Variants in GLG1 observed in about 807,000 individuals in gnomAD.
GLG1 encodes golgi glycoprotein 1.
In GLG1, 38 loss-of-function variants were observed where a neutral mutation model predicts 160.5. The ratio of observed to expected loss-of-function variants is 0.24; its 90% confidence interval spans 0.18 to 0.31. The LOEUF (loss-of-function observed/expected upper bound fraction) is 0.31. Ranked by LOEUF, GLG1 falls within the 10% of genes least tolerant of loss-of-function variation. The pLI, the probability that GLG1 is intolerant of heterozygous loss-of-function variation, is 1.00. For missense variants in GLG1, 1,373 were observed against 1,505.2 expected (o/e 0.91, Z 1.45); for synonymous variants, 644 against 543.4 (o/e 1.19, Z -2.57).
intron 1 of GLG1, among the ~76,000 whole-genome samples, chr16:74,570,977 C>A (rs1410382623): frequency 6.6e-6 from 1 of 151,754 alleles, no homozygotes; most frequent in Non-Finnish European, 1.5e-5. Context: ...TTTAACCACA[C>A]CTCACTTGGC....
intron 11 of GLG1, among the ~76,000 whole-genome samples, chr16:74,479,049 T>C (rs1210422215): frequency 3.8e-3 from 9 of 2,374 alleles, no homozygotes; most frequent in East Asian, 0.021. Flanking sequence ...CTATTAAAAA[T>C]CCAAAAAAAA....
At chr16:74,539,018 T>C (rs1479026563) in intron 1 of GLG1, among the ~76,000 whole-genome samples, 1 of 151,720 alleles carries the variant, frequency 6.6e-6, no homozygotes, top group Non-Finnish European at 1.5e-5. Context: ...CTGTGAAAGG[T>C]GGAGCACTAG....
chr16:74,569,875 G>GAAAAAAAAAAAA (rs1248515307), intron 1 of GLG1, among the ~76,000 whole-genome samples: 1 of 108,040 alleles, frequency 9.3e-6, no homozygotes, highest in African/African-American at 3.4e-5. Context: ...AAAAAAAAAA[G>GAAAAAAAAAAAA]AAAAAAAAAA....
At chr16:74,554,643 T>C (rs553284585) in intron 1 of GLG1, among the ~76,000 whole-genome samples, 2 of 152,300 alleles carry the variant, frequency 1.3e-5, no homozygotes, top group Non-Finnish European at 2.9e-5. Context: ...TAAATCACGA[T>C]GAAAATGAAC....
chr16:74,520,454 T>C (rs988954968), intron 2 of GLG1, among the ~76,000 whole-genome samples: 1 of 152,120 alleles, frequency 6.6e-6, no homozygotes. Flanking sequence ...CTGACCAACA[T>C]GTAGAAACCC....
intron 1 of GLG1, among the ~76,000 whole-genome samples, chr16:74,564,368 T>C (rs139000853): frequency 4.7e-4 from 72 of 152,350 alleles, no homozygotes; most frequent in African/African-American, 1.7e-3. Flanking sequence ...GTTGGTTTGG[T>C]TCATGCGAAC....
At chr16:74,533,048 C>T (rs1489088947) in intron 1 of GLG1, among the ~76,000 whole-genome samples, 2 of 152,306 alleles carry the variant, frequency 1.3e-5, no homozygotes, top group East Asian at 3.9e-4. Flanking sequence ...AGGCAGGGCA[C>T]GGTGGCTCAC....
chr16:74,506,515 G>T (rs2016609267), intron 3 of GLG1, among the ~76,000 whole-genome samples: 1 of 138,736 alleles, frequency 7.2e-6, no homozygotes, highest in Non-Finnish European at 1.5e-5. Context: ...CTGGGAGGCG[G>T]AGCTTGCAGC....
At chr16:74,509,501 G>A (rs1180088683) in intron 2 of GLG1, among the ~76,000 whole-genome samples, 1 of 151,894 alleles carries the variant, frequency 6.6e-6, no homozygotes, top group Admixed American at 6.6e-5. Flanking sequence ...TTTCATGGAG[G>A]AGAGTCGCCC....
chr16:74,449,510 T>C lies in GLG1; in HGVS notation c.*3657A>G, dbSNP rs2014202501. The C allele has an allele frequency of 6.6e-6, 1 of 152,172 alleles. No individual in the cohort carries two copies. The highest frequency in any genetic ancestry group is 6.5e-5 in the Admixed American group (1 of 15,272). The allele number at this position is 152,172 out of a possible 1,614,324, so 9.4% of individuals were successfully genotyped here. On this transcript the variant is annotated 3_prime_UTR_variant, in exon 26 of 26. Transcript: ENST00000422840. ...ACCATTAGATTCTTCTGTTAGTTGA[T>C]CTCAGGAAACAGAAACAAATGAAAT...
intron 1 of GLG1, among the ~76,000 whole-genome samples, chr16:74,561,720 C>G (rs982918816): frequency 6.6e-6 from 1 of 152,126 alleles, no homozygotes; most frequent in Non-Finnish European, 1.5e-5. Context: ...ATTGGAGATA[C>G]AAAATTGGTA....
At chr16:74,509,163 A>ATTTT (rs11295055) in intron 2 of GLG1, among the ~76,000 whole-genome samples, 3 of 89,640 alleles carry the variant, frequency 3.3e-5, no homozygotes, top group African/African-American at 4.5e-5. Flanking sequence ...CTAAAGGACA[A>ATTTT]TTTTTTTTTT....
chr16:74,591,237 A>G (rs1287285403), intron 1 of GLG1, among the ~76,000 whole-genome samples: 1 of 152,098 alleles, frequency 6.6e-6, no homozygotes, highest in African/African-American at 2.4e-5. Flanking sequence ...AGGCTGACGC[A>G]GAAGAATCAC....
At chr16:74,558,250 C>T (rs866937869) in intron 1 of GLG1, among the ~76,000 whole-genome samples, 21 of 152,104 alleles carry the variant, frequency 1.4e-4, no homozygotes, top group African/African-American at 4.8e-4. Context: ...GCAGTATCAC[C>T]ACATTGATGC....
At chr16:74,549,394 C>T (rs1365166092) in intron 1 of GLG1, among the ~76,000 whole-genome samples, 1 of 152,034 alleles carries the variant, frequency 6.6e-6, no homozygotes, top group South Asian at 2.1e-4. Flanking sequence ...CCTGGGTTCA[C>T]GCCATTCTCC....
intron 1 of GLG1, among the ~76,000 whole-genome samples, chr16:74,604,208 T>C (rs370438585): frequency 3.3e-5 from 5 of 152,238 alleles, no homozygotes; most frequent in Admixed American, 2.0e-4. Flanking sequence ...AAATTTTTTT[T>C]CAGAAAGAAA....
At chr16:74,512,621 T>C (rs1390182318) in intron 2 of GLG1, among the ~76,000 whole-genome samples, 1 of 149,982 alleles carries the variant, frequency 6.7e-6, no homozygotes, top group East Asian at 2.0e-4. Context: ...AAACGTGTAA[T>C]GAGTAACTAC....
intron 1 of GLG1, among the ~76,000 whole-genome samples, chr16:74,593,029 G>A (rs942299093): frequency 2.6e-5 from 4 of 152,094 alleles, no homozygotes; most frequent in South Asian, 2.1e-4. Context: ...GTGCAAGCCC[G>A]CCCTCCCTCT....
chr16:74,565,753 A>G (rs950938742), intron 1 of GLG1, among the ~76,000 whole-genome samples: 8 of 152,222 alleles, frequency 5.3e-5, no homozygotes, highest in African/African-American at 1.7e-4. Flanking sequence ...TCTTTGCACA[A>G]TTAAATTCTG....
Sources: allele counts gnomAD v4.1 joint callset (sites outside exome capture counted in the v4.1 genomes callset), GRCh38; gene constraint gnomAD v4.1.1; transcripts MANE v1.5; gene names NCBI Gene and HGNC (gene_info 2026-07-23, HGNC 2026-07-21).